Variants in SYT13 observed in about 807,000 individuals in gnomAD.
SYT13 encodes synaptotagmin-13.
Under a neutral mutation model 38.6 loss-of-function variants are expected in SYT13, and 21 were observed. That is an observed-to-expected ratio of 0.54 (90% CI 0.39 to 0.78). The LOEUF (loss-of-function observed/expected upper bound fraction) is 0.78. Ranked by LOEUF, SYT13 falls within the 30% of genes least tolerant of loss-of-function variation. The pLI, the probability that SYT13 is intolerant of heterozygous loss-of-function variation, is 0.00. For missense variants in SYT13, 495 were observed against 548.7 expected (o/e 0.90, Z 0.98); for synonymous variants, 241 against 237.6 (o/e 1.01, Z -0.13).
Position 45,255,694 on chromosome 11 carries a change from T to C in SYT13, c.381A>G (p.Thr127=). Residue 127 remains threonine, a synonymous_variant, in exon 2 of 6, where the codon ACA becomes ACG. Transcript: ENST00000020926. ...TCTGAGGGAGGATGAACAGCTCCTC[T>C]GTGACCTGCCTCTTGAGGCGACTGT... The part of the protein sequence containing the change: ...PNDSRLKRQV[T]EELFILPQNG... The C allele has an allele frequency of 6.2e-7, 1 of 1,614,150 alleles. No homozygotes were observed. Among genetic ancestry groups the C allele is most frequent in the Non-Finnish European group, 8.5e-7 (1 of 1,180,024 alleles).
At position 45,240,395 on chromosome 11, in the gene SYT13, G is replaced by T. The variant is rs1854536796; in HGVS notation, c.*3657C>A. 6.6e-6 allele frequency: 1 copy of T among 152,602 alleles called. No homozygotes were observed. Among genetic ancestry groups the T allele is most frequent in the Non-Finnish European group, 1.5e-5 (1 of 68,040 alleles). The allele number at this position is 152,602 out of a possible 1,614,324, so 9.5% of individuals were successfully genotyped here. ...TACAATGTCTCATGCATCTTTTTGTGCTTTAGTTCATGACTGCAAAACACA... is the reference window on the plus strand; with the variant it reads ...TACAATGTCTCATGCATCTTTTTGTTCTTTAGTTCATGACTGCAAAACACA... On this transcript the variant is annotated 3_prime_UTR_variant, in exon 6 of 6. Transcript: ENST00000020926.
chr11:45,254,157 T>TA, intron 3 of SYT13, 113 bp downstream of exon 3: 5 of 1,224,440 alleles, frequency 4.1e-6, no homozygotes, highest in East Asian at 2.7e-5. Context: ...GTCTGGTTGT[T>TA]AGAGTCCTAA....
At chr11:45,284,762 G>T (rs1855113967) in intron 1 of SYT13, among the ~76,000 whole-genome samples, 1 of 152,180 alleles carries the variant, frequency 6.6e-6, no homozygotes, top group Non-Finnish European at 1.5e-5. Flanking sequence ...GACTTGTGGA[G>T]AAGGACTCCC....
At chr11:45,274,455 T>C (rs1353815275) in intron 1 of SYT13, among the ~76,000 whole-genome samples, 1 of 152,234 alleles carries the variant, frequency 6.6e-6, no homozygotes, top group Middle Eastern at 3.2e-3. Flanking sequence ...ATCATGTGAA[T>C]ATTTTCTCCT....
chr11:45,285,728 G>A, intron 1 of SYT13: 10 of 637,918 alleles, frequency 1.6e-5, no homozygotes, highest in South Asian at 1.5e-4. Context: ...TCTTATCCAG[G>A]TCCCCTTTCC....
chr11:45,266,474 G>C (rs1333547630), intron 1 of SYT13, among the ~76,000 whole-genome samples: 1 of 149,942 alleles, frequency 6.7e-6, no homozygotes, highest in Non-Finnish European at 1.5e-5. Context: ...TCTAGGTCTG[G>C]TACCATAATC....
chr11:45,240,743 C>T lies in SYT13; in HGVS notation c.*3309G>A, dbSNP rs1178586596. 6.6e-6 allele frequency: 1 copy of T among 152,204 alleles called. No individual in the cohort carries two copies. The highest frequency in any genetic ancestry group is 1.5e-5 in the Non-Finnish European group (1 of 68,046). The allele number at this position is 152,204 out of a possible 1,614,324, so 9.4% of individuals were successfully genotyped here. A position where few individuals can be genotyped will look rare whatever the true frequency, so the allele number is the denominator to read the frequency against. ...GAGGGCAGACTCCCGATTTTCTATC[C>T]CCGTAGAAATCTCTGAAGAAAGAAC... On this transcript the variant is annotated 3_prime_UTR_variant, in exon 6 of 6. Coordinates refer to ENST00000020926, the MANE Select transcript of SYT13 (RefSeq NM_020826.3).
rs1334403409 is a variant in SYT13 at position 45,241,720 on chromosome 11, A to G, written c.*2332T>C. The G allele has an allele frequency of 2.0e-5, 3 of 152,228 alleles. No homozygotes were observed. The allele number at this position is 152,228 out of a possible 1,614,324, so 9.4% of individuals were successfully genotyped here. A position where few individuals can be genotyped will look rare whatever the true frequency, so the allele number is the denominator to read the frequency against. On this transcript the variant is annotated 3_prime_UTR_variant, in exon 6 of 6. Coordinates refer to ENST00000020926, the MANE Select transcript of SYT13 (RefSeq NM_020826.3). Reference sequence around the variant, plus strand: ...CAAATTTTCTAGATTGGAGTAGTAGATGTTACCAAGAAGAGAATGCTGGTC... The same window carrying G: ...CAAATTTTCTAGATTGGAGTAGTAGGTGTTACCAAGAAGAGAATGCTGGTC...
At chr11:45,283,722 G>A (rs956294217) in intron 1 of SYT13, among the ~76,000 whole-genome samples, 1 of 152,220 alleles carries the variant, frequency 6.6e-6, no homozygotes, top group Non-Finnish European at 1.5e-5. Context: ...TATTTATTGT[G>A]CCCCTATTGA....
At chr11:45,282,516 T>C (rs1855086216) in intron 1 of SYT13, among the ~76,000 whole-genome samples, 1 of 152,204 alleles carries the variant, frequency 6.6e-6, no homozygotes, top group Non-Finnish European at 1.5e-5. Context: ...AATTGTGAAG[T>C]AGCTATATGT....
At chr11:45,282,249 G>T (rs1855083385) in intron 1 of SYT13, among the ~76,000 whole-genome samples, 2 of 152,204 alleles carry the variant, frequency 1.3e-5, no homozygotes, top group Non-Finnish European at 2.9e-5. Flanking sequence ...GCCAGGCCAG[G>T]AGTGGGCGGC....
At chr11:45,256,348 C>T (rs1854746957) in intron 1 of SYT13, among the ~76,000 whole-genome samples, 1 of 152,132 alleles carries the variant, frequency 6.6e-6, no homozygotes, top group Non-Finnish European at 1.5e-5. Flanking sequence ...TCTGATATCG[C>T]CCCCAATCCT....
At chr11:45,282,196 G>A (rs1381828962) in intron 1 of SYT13, among the ~76,000 whole-genome samples, 1 of 152,214 alleles carries the variant, frequency 6.6e-6, no homozygotes, top group Non-Finnish European at 1.5e-5. Flanking sequence ...TAATAATCAA[G>A]CTTCTAGAGG....
intron 4 of SYT13, among the ~76,000 whole-genome samples, chr11:45,247,563 C>G (rs1854627863): frequency 6.6e-6 from 1 of 152,186 alleles, no homozygotes; most frequent in East Asian, 1.9e-4. Flanking sequence ...TCAATGAGGT[C>G]TGGTACCAGG....
chr11:45,261,852 G>T (rs1404397105), intron 1 of SYT13, among the ~76,000 whole-genome samples: 1 of 150,732 alleles, frequency 6.6e-6, no homozygotes, highest in African/African-American at 2.4e-5. Context: ...GGAGGCGAAG[G>T]TTGCAGTGAG....
intron 4 of SYT13, among the ~76,000 whole-genome samples, chr11:45,247,732 A>G (rs1053960647): frequency 1.3e-5 from 2 of 152,210 alleles, no homozygotes; most frequent in African/African-American, 4.8e-5. Context: ...TCATTCAGCA[A>G]GCATATGCAA....
chr11:45,260,604 A>T (rs1040131809), intron 1 of SYT13, among the ~76,000 whole-genome samples: 1 of 152,162 alleles, frequency 6.6e-6, no homozygotes, highest in Non-Finnish European at 1.5e-5. Flanking sequence ...GTGTCCCTTG[A>T]AGCCCAGGAA....
intron 1 of SYT13, among the ~76,000 whole-genome samples, chr11:45,281,172 G>T (rs1007725841): frequency 6.6e-6 from 1 of 151,010 alleles, no homozygotes; most frequent in Non-Finnish European, 1.5e-5. Flanking sequence ...CTCCATTCTG[G>T]ATGACAGAGC....
intron 4 of SYT13, among the ~76,000 whole-genome samples, chr11:45,251,909 A>G (rs1376473375): frequency 6.6e-6 from 1 of 152,236 alleles, no homozygotes; most frequent in African/African-American, 2.4e-5. Flanking sequence ...TTATCAGAGC[A>G]CATTGGTTAG....
Sources: allele counts gnomAD v4.1 joint callset (sites outside exome capture counted in the v4.1 genomes callset), GRCh38; gene constraint gnomAD v4.1.1; transcripts MANE v1.5; gene names NCBI Gene and HGNC (gene_info 2026-07-23, HGNC 2026-07-21).